The following TMEM50B variants were observed in gnomAD, a reference collection of about 807,000 sequenced individuals.
TMEM50B encodes the protein HCV p7-trans-regulated protein 3.
A neutral mutation model predicts 23.4 loss-of-function variants in TMEM50B; 14 were observed. The observed-to-expected ratio is 0.60, with a 90% CI of 0.39 to 0.93. The LOEUF (loss-of-function observed/expected upper bound fraction) is 0.93. Ranked by LOEUF, TMEM50B falls within the 40% of genes least tolerant of loss-of-function variation. The pLI is 0.00. For missense variants in TMEM50B, 159 were observed against 193.0 expected (o/e 0.82, Z 1.04); for synonymous variants, 64 against 62.3 (o/e 1.03, Z -0.13).
chr21:33,437,703 G>A (rs17882754), intron 8 of TMEM50B, among the ~76,000 whole-genome samples: 10,764 of 152,226 alleles, frequency 0.071, 570 homozygotes, highest in East Asian at 0.15. Context: ...GAAGGCCAGG[G>A]CCTAGTGCAG....
At chr21:33,470,423 T>TC (rs2084303018) in intron 1 of TMEM50B, among the ~76,000 whole-genome samples, 1 of 20,570 alleles carries the variant, frequency 4.9e-5, no homozygotes, top group Non-Finnish European at 1.3e-4. Flanking sequence ...AGACTGTGTC[T>TC]CAAAAAAAAA....
At chr21:33,449,036 T>G (rs1475522539), downstream of TMEM50B, 1 of 152,220 alleles carries the variant, frequency 6.6e-6, no homozygotes, top group Non-Finnish European at 1.5e-5. Flanking sequence ...CTTCTTATTT[T>G]ATAAACATAA....
intron 2 of TMEM50B, among the ~76,000 whole-genome samples, chr21:33,467,525 G>A (rs1281070601): frequency 1.3e-5 from 2 of 152,222 alleles, no homozygotes; most frequent in East Asian, 1.9e-4. Flanking sequence ...TTGGGAGGCT[G>A]AAGCAGGAGA....
intron 8 of TMEM50B, among the ~76,000 whole-genome samples, chr21:33,438,481 T>C (rs562096576): frequency 9.3e-4 from 142 of 152,118 alleles, no homozygotes; most frequent in Non-Finnish European, 1.8e-3. Context: ...TCGGGCTCTG[T>C]TGTTCAAAGG....
At chr21:33,439,706 G>A (rs2083991422) in intron 7 of TMEM50B, among the ~76,000 whole-genome samples, 2 of 151,260 alleles carry the variant, frequency 1.3e-5, no homozygotes, top group African/African-American at 4.9e-5. Context: ...GAAATGAAAT[G>A]CCTCATTCTC....
In TMEM50B at chr21:33,449,351, G is replaced by A. The variant is rs1183396203; in HGVS notation, c.*1467C>T. The A allele has an allele frequency of 1.3e-5, 2 of 152,548 alleles. No individual in the cohort carries two copies. The highest frequency in any genetic ancestry group is 2.4e-5 in the African/African-American group (1 of 41,442). The allele number at this position is 152,548 out of a possible 1,614,324, so 9.4% of individuals were successfully genotyped here. On this transcript the variant is annotated 3_prime_UTR_variant, in exon 7 of 7. Coordinates refer to ENST00000542230, the MANE Select transcript of TMEM50B (RefSeq NM_006134.7). ...CACAAGAAATCCTCTCAAGAGAGAG[G>A]AGAGGAGTGATGCCAAATGGGCTTA...
At chr21:33,464,100 G>A (rs2084241986) in intron 4 of TMEM50B, among the ~76,000 whole-genome samples, 1 of 152,056 alleles carries the variant, frequency 6.6e-6, no homozygotes, top group Admixed American at 6.6e-5. Context: ...GAGCCAGACT[G>A]TCCATGTTCA....
intron 2 of TMEM50B, among the ~76,000 whole-genome samples, chr21:33,467,713 T>C (rs1033003661): frequency 3.9e-5 from 6 of 152,192 alleles, no homozygotes; most frequent in Non-Finnish European, 7.4e-5. Flanking sequence ...GGCACAAGAA[T>C]TGCTTGAACC....
chr21:33,457,118 G>A (rs771311880), intron 5 of TMEM50B, among the ~76,000 whole-genome samples: 2 of 151,786 alleles, frequency 1.3e-5, no homozygotes, highest in Non-Finnish European at 2.9e-5. Context: ...GCCAAGTGTG[G>A]TGGTGGATGG....
chr21:33,467,340 C>T (rs2084273565), intron 2 of TMEM50B, among the ~76,000 whole-genome samples: 1 of 152,018 alleles, frequency 6.6e-6, no homozygotes, highest in Admixed American at 6.6e-5. Flanking sequence ...TCTAAAAATA[C>T]AAGGCCGGGC....
At chr21:33,462,394 T>A (rs1012531740) in intron 4 of TMEM50B, among the ~76,000 whole-genome samples, 5 of 152,174 alleles carry the variant, frequency 3.3e-5, no homozygotes, top group Non-Finnish European at 5.9e-5. Context: ...GAATAAAATA[T>A]AATAATCACT....
At chr21:33,442,769 A>T (rs868685566) in intron 7 of TMEM50B, among the ~76,000 whole-genome samples, 4 of 152,112 alleles carry the variant, frequency 2.6e-5, no homozygotes, top group Admixed American at 1.3e-4. Context: ...AAAAATACAA[A>T]AATTAGCCAG....
intron 8 of TMEM50B, among the ~76,000 whole-genome samples, chr21:33,433,701 A>T (rs1027085870): frequency 3.3e-5 from 5 of 152,158 alleles, no homozygotes; most frequent in African/African-American, 1.2e-4. Context: ...TGATTGCACA[A>T]TGTGAATGTG....
intron 1 of TMEM50B, among the ~76,000 whole-genome samples, chr21:33,470,424 C>CAAAA (rs71194848): frequency 0.13 from 8,325 of 65,764 alleles, 1,053 homozygotes; most frequent in Non-Finnish European, 0.15. Context: ...GACTGTGTCT[C>CAAAA]AAAAAAAAAA....
chr21:33,445,705 C>T (rs143464474), downstream of TMEM50B, among the ~76,000 whole-genome samples: 26 of 151,860 alleles, frequency 1.7e-4, no homozygotes, highest in Admixed American at 4.6e-4. Flanking sequence ...GGCCAAGGCA[C>T]GAGAATGGCT....
At chr21:33,457,514 C>T (rs776851953) in intron 5 of TMEM50B, among the ~76,000 whole-genome samples, 9 of 151,182 alleles carry the variant, frequency 6.0e-5, no homozygotes, top group Non-Finnish European at 8.9e-5. Context: ...AGCTGGGAGT[C>T]GTGGCAGGCG....
intron 7 of TMEM50B, among the ~76,000 whole-genome samples, chr21:33,442,864 T>C (rs548776818): frequency 1.3e-5 from 2 of 151,944 alleles, no homozygotes; most frequent in East Asian, 1.9e-4. Flanking sequence ...GAGGTTGCAG[T>C]GAGCAAGATC....
intron 4 of TMEM50B, among the ~76,000 whole-genome samples, chr21:33,463,784 A>C (rs13046185): frequency 0.23 from 34,689 of 151,968 alleles, 4,507 homozygotes; most frequent in Middle Eastern, 0.31. Context: ...TGGGCACAGC[A>C]GCATGTGCCT....
intron 7 of TMEM50B, among the ~76,000 whole-genome samples, chr21:33,440,290 T>G (rs1487553266): frequency 6.6e-6 from 1 of 152,036 alleles, no homozygotes; most frequent in Non-Finnish European, 1.5e-5. Flanking sequence ...AAATATTTAT[T>G]AGAACCCAGA....
Sources: allele counts gnomAD v4.1 joint callset (sites outside exome capture counted in the v4.1 genomes callset), GRCh38; gene constraint gnomAD v4.1.1; transcripts MANE v1.5; gene names NCBI Gene and HGNC (gene_info 2026-07-23, HGNC 2026-07-21).